The following MLIP variants were observed in gnomAD, a reference collection of about 807,000 sequenced individuals.
MLIP encodes muscular LMNA-interacting protein.
Under a neutral mutation model 84.8 loss-of-function variants are expected in MLIP, and 79 were observed. The ratio of observed to expected loss-of-function variants is 0.93; its 90% CI spans 0.78 to 1.12. The LOEUF (loss-of-function observed/expected upper bound fraction) is 1.12, where lower values mean the gene tolerates loss of function less well. MLIP is among the 50% of genes most tolerant of loss of function. The probability of loss-of-function intolerance (pLI) is 0.00; values close to 1 mark genes in which losing one functional copy is unlikely to be tolerated. For missense variants in MLIP, 1,257 were observed against 1,160.6 expected (o/e 1.08, Z -1.21); for synonymous variants, 504 against 463.0 (o/e 1.09, Z -1.14).
intron 1 of MLIP, among the ~76,000 whole-genome samples, chr6:54,086,629 G>T (rs1767510247): frequency 6.6e-6 from 1 of 152,124 alleles, no homozygotes. Context: ...TGGCTGACAA[G>T]GCCCTAGCAA....
intron 1 of MLIP, among the ~76,000 whole-genome samples, chr6:54,104,635 G>T (rs1309443037): frequency 6.6e-6 from 1 of 152,104 alleles, no homozygotes; most frequent in Non-Finnish European, 1.5e-5. Context: ...AACGTCTCCT[G>T]ATCTTCATCT....
intron 1 of MLIP, among the ~76,000 whole-genome samples, chr6:54,090,966 G>C (rs757748675): frequency 6.6e-6 from 1 of 152,100 alleles, no homozygotes; most frequent in African/African-American, 2.4e-5. Flanking sequence ...CTGTAAAGCA[G>C]TGTTTCTCAA....
intron 1 of MLIP, among the ~76,000 whole-genome samples, chr6:54,053,680 T>C (rs966776422): frequency 4.6e-5 from 7 of 152,220 alleles, no homozygotes; most frequent in Non-Finnish European, 1.0e-4. Context: ...TAATATACCT[T>C]GTAGAGTTGT....
At chr6:54,248,032 C>G (rs1204652096) in intron 12 of MLIP, among the ~76,000 whole-genome samples, 1 of 151,992 alleles carries the variant, frequency 6.6e-6, no homozygotes, top group Non-Finnish European at 1.5e-5. Flanking sequence ...TTAGGAAGAC[C>G]TTGGATGGGA....
At chr6:54,087,313 G>A (rs1582107788) in intron 1 of MLIP, among the ~76,000 whole-genome samples, 1 of 152,290 alleles carries the variant, frequency 6.6e-6, no homozygotes, top group East Asian at 1.9e-4. Flanking sequence ...TGCTGAAGAG[G>A]TGGAAGTTTC....
chr6:54,217,523 C>T, intron 11 of MLIP: 3 of 985,034 alleles, frequency 3.0e-6, no homozygotes, highest in Non-Finnish European at 3.6e-6. Flanking sequence ...GCATATTTGT[C>T]TGCTAATTTT....
At chr6:54,029,520 G>A (rs1409110) in intron 1 of MLIP, 135,958 of 152,316 alleles carry the variant, frequency 0.89, 61,250 homozygotes, top group Non-Finnish European at 0.95. Context: ...CTGATCTTGG[G>A]CTTCCCGGAG....
In MLIP at chr6:54,169,486, C is replaced by A. The variant is rs1303033428; in HGVS notation, c.2500-42C>A. 7.8e-6 allele frequency: 11 copies of A among 1,407,572 alleles called. No homozygotes were observed. The East Asian group carries it at 2.8e-4, about 35-fold the overall frequency. The allele number at this position is 1,407,572 out of a possible 1,614,324, so 87.2% of individuals were successfully genotyped here. On this transcript the variant is annotated intron_variant, in intron 8 of 13. Transcript: ENST00000502396. ...CAGAAGTTGAGTCTATTATTATTTA[C>A]TTTATTATTTCAGATGTATAATTGT...
At chr6:54,092,489 G>T (rs1399633834) in intron 1 of MLIP, among the ~76,000 whole-genome samples, 3 of 151,992 alleles carry the variant, frequency 2.0e-5, no homozygotes, top group African/African-American at 7.2e-5. Context: ...AAGTAGTACC[G>T]TAAAAGTCAG....
Position 54,196,229 on chromosome 6 carries a change from G to A in MLIP, c.2590-5876G>A, listed in dbSNP as rs114093812. Among the ~76,000 whole-genome samples, 1,234 of 152,154 alleles carry A rather than the reference G, an allele frequency of 8.1e-3. 19 individuals are homozygous for A. The highest frequency in any genetic ancestry group is 0.028 in the African/African-American group (1,150 of 41,528). Reference sequence around the variant, plus strand: ...AAGTTCCAGGGTACATGTGCATGACGTGCAGGTTTGTTACATAGGTAAAAA... The same window carrying A: ...AAGTTCCAGGGTACATGTGCATGACATGCAGGTTTGTTACATAGGTAAAAA... On this transcript the variant is annotated intron_variant, in intron 10 of 13. Transcript: ENST00000502396.
At chr6:54,054,862 C>T (rs933265954) in intron 1 of MLIP, among the ~76,000 whole-genome samples, 12 of 151,966 alleles carry the variant, frequency 7.9e-5, no homozygotes, top group Non-Finnish European at 1.5e-4. Flanking sequence ...ATATTAGTTA[C>T]AGTGCTTATC....
rs2150905231 is a variant in MLIP at position 54,261,329 on chromosome 6, T to C, written c.2976+3968T>C. Among the ~76,000 whole-genome samples, 3 of 152,148 alleles carry C rather than the reference T, an allele frequency of 2.0e-5. No individual in the cohort carries two copies. In the South Asian group the frequency reaches 6.2e-4, roughly 32 times the overall value. ...TTGTATTACCTGCTACATGCAGCCCTATGACTACTGCATTTTATTTTCAAA... is the reference window on the plus strand; with the variant it reads ...TTGTATTACCTGCTACATGCAGCCCCATGACTACTGCATTTTATTTTCAAA... On this transcript the variant is annotated intron_variant, in intron 13 of 13. Transcript: ENST00000502396.
chr6:54,053,017 T>C (rs1324647952), intron 1 of MLIP, among the ~76,000 whole-genome samples: 1 of 152,232 alleles, frequency 6.6e-6, no homozygotes, highest in Non-Finnish European at 1.5e-5. Context: ...CAGAGCATTG[T>C]TGACTGCTAA....
At chr6:54,076,008 A>C (rs1766781661) in intron 1 of MLIP, among the ~76,000 whole-genome samples, 1 of 152,112 alleles carries the variant, frequency 6.6e-6, no homozygotes, top group South Asian at 2.1e-4. Context: ...AAAAGCATGA[A>C]GGAGTTAAAT....
chr6:54,204,671 T>C (rs569013968), intron 11 of MLIP, among the ~76,000 whole-genome samples: 1 of 152,340 alleles, frequency 6.6e-6, no homozygotes, highest in East Asian at 1.9e-4. Context: ...TAAATTCCAT[T>C]TTCAAGTGCA....
intron 12 of MLIP, among the ~76,000 whole-genome samples, chr6:54,254,742 C>CCCTCCCTTCCTTCCTTCCTT (rs1554195171): frequency 4.4e-4 from 55 of 125,100 alleles, no homozygotes; most frequent in African/African-American, 1.1e-3. Flanking sequence ...TTTTCTCCCT[C>CCCTCCCTTCCTTCCTTCCTT]CCTTCCTTCC....
In MLIP at chr6:54,140,484, A is replaced by G. The variant is rs530745725; in HGVS notation, c.2217+2198A>G. On this transcript the variant is annotated intron_variant, in intron 4 of 13. Transcript: ENST00000502396. ...GATGAACAGGAAAATAAGAATGATT[A>G]TAATTTAACTACCAGTAAAAATATC... 2.2e-4 allele frequency among the ~76,000 whole-genome samples: 34 copies of G among 152,346 alleles called. 1 individual carries two copies. The highest frequency in any genetic ancestry group is 7.5e-4 in the African/African-American group (31 of 41,586).
intron 1 of MLIP, among the ~76,000 whole-genome samples, chr6:54,114,966 G>A (rs186680933): frequency 1.2e-4 from 18 of 152,258 alleles, no homozygotes; most frequent in Admixed American, 2.0e-4. Flanking sequence ...GATTGCTTCC[G>A]TTACCTTAAC....
chr6:54,125,087 G>A (rs868773836), intron 3 of MLIP, among the ~76,000 whole-genome samples: 11 of 152,340 alleles, frequency 7.2e-5, no homozygotes, highest in Middle Eastern at 6.8e-3. Context: ...TGAATTGGCT[G>A]AAGAGAAAAT....
Sources: allele counts gnomAD v4.1 joint callset (sites outside exome capture counted in the v4.1 genomes callset), GRCh38; gene constraint gnomAD v4.1.1; transcripts MANE v1.5; gene names NCBI Gene and HGNC (gene_info 2026-07-23, HGNC 2026-07-21).